Variants in ERCC6L2 observed in about 807,000 individuals in gnomAD.
The protein encoded by ERCC6L2 is ERCC excision repair 6 like 2.
ERCC6L2 carries 77 observed loss-of-function variants against 132.0 expected under a neutral mutation model. The ratio of observed to expected loss-of-function variants is 0.58; its 90% CI spans 0.49 to 0.71. ERCC6L2 has a LOEUF of 0.71. Ranked by LOEUF, ERCC6L2 falls within the 30% of genes least tolerant of loss-of-function variation. The pLI is 0.00. For missense variants in ERCC6L2, 1,542 were observed against 1,837.6 expected, an observed-to-expected ratio of 0.84 and a Z score of 2.94; for synonymous variants, 583 against 632.4, an observed-to-expected ratio of 0.92 and a Z score of 1.17.
intron 6 of ERCC6L2, among the ~76,000 whole-genome samples, chr9:95,919,821 C>T (rs1041860877): frequency 4.6e-5 from 7 of 152,170 alleles, no homozygotes; most frequent in Non-Finnish European, 8.8e-5. Flanking sequence ...TTTCAAGAGA[C>T]GGATCTTGGA....
intron 1 of ERCC6L2, among the ~76,000 whole-genome samples, chr9:95,879,837 G>A (rs906306213): frequency 6.6e-6 from 1 of 152,146 alleles, no homozygotes; most frequent in African/African-American, 2.4e-5. Context: ...ACTGCCAGTG[G>A]TTATCTGATC....
At chr9:95,888,068 GT>G (rs71368214) in intron 2 of ERCC6L2, among the ~76,000 whole-genome samples, 72 of 138,890 alleles carry the variant, frequency 5.2e-4, no homozygotes, top group African/African-American at 5.9e-4. Context: ...GCACTTTGTG[GT>G]TTTTTTTTTT....
intron 17 of ERCC6L2, among the ~76,000 whole-genome samples, chr9:95,979,330 G>A (rs1832798642): frequency 6.6e-6 from 1 of 152,144 alleles, no homozygotes; most frequent in Non-Finnish European, 1.5e-5. Context: ...CTGGGTTGAG[G>A]GGGCCAATGG....
Position 95,897,841 on chromosome 9 carries a change from T to C in ERCC6L2, c.472-8T>C. 1 of 1,612,166 alleles carries C rather than the reference T, an allele frequency of 6.2e-7. No homozygotes were observed. The highest frequency in any genetic ancestry group is 8.5e-7 in the Non-Finnish European group (1 of 1,179,278). ...TACACAGTGATTGAAAAAGTCTTTT[T>C]TCCCCAGGTTATTTCATTTCTGGCT... is the stretch of plus-strand genomic sequence containing the variant. On this transcript the variant is annotated splice_polypyrimidine_tract_variant and splice_region_variant and intron_variant, in intron 2 of 18. Transcript: ENST00000653738.
At position 95,928,776 on chromosome 9, in the gene ERCC6L2, G is replaced by C; in HGVS notation, c.1663G>C (p.Asp555His). The C allele has an allele frequency of 5.6e-6, 9 of 1,613,336 alleles. No homozygotes were observed. Among genetic ancestry groups the C allele is most frequent in the Non-Finnish European group, 7.6e-6 (9 of 1,179,616 alleles). Residue 555 changes from aspartate to histidine, a missense_variant, in exon 11 of 19, where the codon GAT becomes CAT. Around this residue, in one of 4 missense-constraint regions of ERCC6L2, gnomAD observed 945 missense variants for 1,105.2 expected, o/e 0.86. Coordinates refer to ENST00000653738, the MANE Select transcript of ERCC6L2 (RefSeq NM_020207.7). ...GTCTGGGCTTGATTACCGACGACTTGATGGAAGTACAAAATCAGAGGAAAG... is the reference window on the plus strand; with the variant it reads ...GTCTGGGCTTGATTACCGACGACTTCATGGAAGTACAAAATCAGAGGAAAG... ...MASGLDYRRL[D>H]GSTKSEERLK...
chr9:95,915,799 A>C lies in ERCC6L2; in HGVS notation c.920A>C (p.Asn307Thr). 6.2e-7 allele frequency: 1 copy of C among 1,612,696 alleles called. No homozygotes were observed. Among genetic ancestry groups the C allele is most frequent in the African/African-American group, 1.3e-5 (1 of 74,934 alleles). The change falls in exon 5 of 19, where the codon AAC (asparagine) becomes ACC (threonine). Residue 307 changes from asparagine to threonine, a missense_variant. Asn to Thr is a moderately conservative substitution (Grantham distance 65). Transcript: ENST00000653738. Reference protein sequence around the residue: ...IGLTGTILQNNMKELWCVMDW... With the variant: ...IGLTGTILQNTMKELWCVMDW... ...CTCACTGGAACCATCCTTCAGAACA[A>C]CATGAAGGAACTGTGGTGTGTTATG...
At chr9:95,888,661 T>C (rs913005603) in intron 2 of ERCC6L2, among the ~76,000 whole-genome samples, 12 of 152,192 alleles carry the variant, frequency 7.9e-5, no homozygotes, top group South Asian at 2.1e-4. Flanking sequence ...TCCTTTGCCT[T>C]CTTAGAGTTT....
intron 17 of ERCC6L2, among the ~76,000 whole-genome samples, chr9:95,990,331 A>G (rs992931565): frequency 6.6e-6 from 1 of 152,236 alleles, no homozygotes; most frequent in African/African-American, 2.4e-5. Context: ...ACATGAAGGT[A>G]TCAAGTATGT....
At chr9:95,982,595 A>G (rs1020471636) in intron 17 of ERCC6L2, among the ~76,000 whole-genome samples, 2 of 152,042 alleles carry the variant, frequency 1.3e-5, no homozygotes, top group Non-Finnish European at 2.9e-5. Context: ...ACTGGGTGGG[A>G]TATTTCATGG....
At chr9:95,969,111 G>A (rs545536642) in intron 14 of ERCC6L2, among the ~76,000 whole-genome samples, 2 of 152,124 alleles carry the variant, frequency 1.3e-5, no homozygotes, top group East Asian at 3.9e-4. Flanking sequence ...CATGCCCCGT[G>A]TGATCTCCAA....
intron 17 of ERCC6L2, among the ~76,000 whole-genome samples, chr9:95,990,183 G>A (rs1038889643): frequency 2.0e-5 from 3 of 152,196 alleles, no homozygotes; most frequent in African/African-American, 7.2e-5. Context: ...CAGGAGCCAG[G>A]CTGGAGCAGG....
chr9:95,907,857 C>CACACACACACAAACACACACACA, intron 4 of ERCC6L2, among the ~76,000 whole-genome samples: 1 of 133,740 alleles, frequency 7.5e-6, no homozygotes, highest in African/African-American at 2.8e-5. Context: ...ACACACACAC[C>CACACACACACAAACACACACACA]CCCACACCCA....
chr9:95,890,122 G>A (rs1828081351), intron 2 of ERCC6L2, among the ~76,000 whole-genome samples: 1 of 152,030 alleles, frequency 6.6e-6, no homozygotes, highest in Non-Finnish European at 1.5e-5. Flanking sequence ...TCATACTACT[G>A]AATGATAGAA....
chr9:95,937,123 T>C (rs576732235), intron 11 of ERCC6L2, among the ~76,000 whole-genome samples: 1 of 152,322 alleles, frequency 6.6e-6, no homozygotes, highest in South Asian at 2.1e-4. Flanking sequence ...TTTTCATTCC[T>C]CTGGGATAAA....
At chr9:95,934,772 C>T (rs2132835971) in intron 11 of ERCC6L2, among the ~76,000 whole-genome samples, 1 of 152,210 alleles carries the variant, frequency 6.6e-6, no homozygotes, top group Non-Finnish European at 1.5e-5. Flanking sequence ...GTAAAATTTT[C>T]CAGATGATAT....
intron 17 of ERCC6L2, among the ~76,000 whole-genome samples, chr9:95,993,824 T>C (rs1833381399): frequency 6.6e-6 from 1 of 152,230 alleles, no homozygotes; most frequent in Admixed American, 6.5e-5. Flanking sequence ...TTAAAAACTT[T>C]CATCTCCCTC....
intron 17 of ERCC6L2, among the ~76,000 whole-genome samples, chr9:95,988,630 C>A (rs1453936372): frequency 6.6e-6 from 1 of 152,104 alleles, no homozygotes; most frequent in Non-Finnish European, 1.5e-5. Context: ...ATTTAATTTT[C>A]TTTGTTGTTG....
At chr9:96,027,829 C>T (rs918575656) in intron 19 of ERCC6L2, 4 of 152,398 alleles carry the variant, frequency 2.6e-5, no homozygotes, top group African/African-American at 7.2e-5. Flanking sequence ...ACTGAATCTC[C>T]TCCAGGCTAG....
At chr9:95,941,645 G>C (rs1215562640) in intron 12 of ERCC6L2, 96 bp downstream of exon 12, 2 of 844,250 alleles carry the variant, frequency 2.4e-6, no homozygotes, top group African/African-American at 3.4e-5. Context: ...ACTATGATTA[G>C]AAGAAAGGGG....
Sources: gnomAD v4.1 joint callset for allele counts (sites outside exome capture counted in the v4.1 genomes callset) on GRCh38, gnomAD v4.1.1 for gene constraint, gnomAD v4.1.1 regional missense constraint, MANE v1.5 for transcripts, NCBI Gene and HGNC (gene_info 2026-07-23, HGNC 2026-07-21) for gene names.